The following COG4 variants were observed in gnomAD, a reference collection of about 807,000 sequenced individuals.
COG4 encodes the protein conserved oligomeric Golgi complex subunit 4.
A neutral mutation model predicts 95.1 loss-of-function variants in COG4; 65 were observed. The observed-to-expected ratio is 0.68, with a 90% CI of 0.56 to 0.84. The LOEUF is 0.84. Among genes scored for constraint, COG4 ranks in the 40% least tolerant of loss-of-function variants. COG4 has a pLI of 0.00. For missense variants in COG4, 1,045 were observed against 989.1 expected, an observed-to-expected ratio of 1.06 and a Z score of -0.76; for synonymous variants, 421 against 374.8, an observed-to-expected ratio of 1.12 and a Z score of -1.42.
At chr16:70,493,591 T>C (rs1216958684) in intron 12 of COG4, among the ~76,000 whole-genome samples, 2 of 152,080 alleles carry the variant, frequency 1.3e-5, no homozygotes, top group African/African-American at 2.4e-5. Flanking sequence ...AAGTGCAGAA[T>C]GGCACAAAAC....
intron 13 of COG4, among the ~76,000 whole-genome samples, chr16:70,488,540 C>T (rs1199267440): frequency 1.3e-5 from 2 of 151,848 alleles, no homozygotes; most frequent in East Asian, 1.9e-4. Context: ...ACTACAGGCA[C>T]GAGCCACCCA....
At chr16:70,519,899 G>A (rs1398317999) in intron 1 of COG4, among the ~76,000 whole-genome samples, 168 bp from the exon 2 acceptor site, 1 of 152,190 alleles carries the variant, frequency 6.6e-6, no homozygotes, top group Non-Finnish European at 1.5e-5. Context: ...TATGTTGCAT[G>A]ATTGTTATCT....
intron 18 of COG4, 21 bp downstream of exon 18, chr16:70,481,338 G>C (rs1474353799): frequency 6.2e-7 from 1 of 1,611,518 alleles, no homozygotes; most frequent in South Asian, 1.1e-5. Context: ...TCCCTGGCTG[G>C]GCCAAGGGTG....
intron 3 of COG4, 26 bp from the exon 4 acceptor site, chr16:70,514,535 A>G: frequency 6.2e-7 from 1 of 1,608,708 alleles, no homozygotes; most frequent in Non-Finnish European, 8.5e-7. Context: ...GTACTTACAA[A>G]CAATGTCCTA....
At chr16:70,496,857 G>GCC (rs1183967770) in intron 11 of COG4, among the ~76,000 whole-genome samples, 56 of 152,308 alleles carry the variant, frequency 3.7e-4, no homozygotes, top group African/African-American at 1.3e-3. Flanking sequence ...ATAAAACAGA[G>GCC]CTAACAGTTC....
At chr16:70,506,744 T>A (rs2049586219) in intron 8 of COG4, among the ~76,000 whole-genome samples, 1 of 148,292 alleles carries the variant, frequency 6.7e-6, no homozygotes, top group Non-Finnish European at 1.5e-5. Context: ...TGTGATTGTG[T>A]CACTGTACCA....
chr16:70,481,383 C>T lies in COG4; in HGVS notation c.2211G>A (p.Met737Ile), dbSNP rs2048988381. 2.5e-6 allele frequency: 4 copies of T among 1,613,252 alleles called. No homozygotes were observed. The East Asian group carries it at 8.9e-5, about 36-fold the overall frequency. Residue 737 changes from methionine (M) to isoleucine (I), a missense_variant, in exon 18 of 19, where the codon ATG (methionine) becomes ATA (isoleucine). Met to Ile is a conservative substitution (Grantham distance 10). Coordinates refer to ENST00000323786, the MANE Select transcript of COG4 (RefSeq NM_015386.3). ...CCCGCTCCAGATTGAGGATGGTGGC[C>T]ATCTGGGAGAGCCGGGCAAACTTGT... ...IRDKFARLSQ[M>I]ATILNLERVT...
chr16:70,518,931 C>A (rs2049879652), intron 2 of COG4, among the ~76,000 whole-genome samples: 1 of 150,480 alleles, frequency 6.6e-6, no homozygotes, highest in Non-Finnish European at 1.5e-5. Context: ...GAGCCGAGAT[C>A]ATGCCACTGC....
At position 70,514,522 on chromosome 16, in the gene COG4, T is replaced by C. The variant is rs774975392; in HGVS notation, c.370-13A>G. ...GATAGAGGCGGTTCTGCAAAAAGAT[T>C]TGGTACTTACAAACAATGTCCTATT... On this transcript the variant is annotated splice_polypyrimidine_tract_variant and intron_variant, in intron 3 of 18. Coordinates refer to ENST00000323786, the MANE Select transcript of COG4 (RefSeq NM_015386.3). 1 of 1,613,074 alleles carries C rather than the reference T, an allele frequency of 6.2e-7. No homozygotes were observed. Among genetic ancestry groups the C allele is most frequent in the Admixed American group, 1.7e-5 (1 of 59,982 alleles).
Position 70,490,345 on chromosome 16 carries a change from C to T in COG4, c.1695G>A (p.Leu565=), listed in dbSNP as rs975059433. ...TCCCTCGTACCTCCAGTGTCTTCTT[C>T]AGAGTGGAGATGTTTTCACTGCAGA... ...VEVCSENIST[L]KKTLESDCTK... Residue 565 remains leucine, a synonymous_variant, in exon 13 of 19, where the codon CTG becomes CTA. Transcript: ENST00000323786. 6.2e-7 allele frequency: 1 copy of T among 1,613,876 alleles called. No individual in the cohort carries two copies. Among genetic ancestry groups the T allele is most frequent in the Admixed American group, 1.7e-5 (1 of 60,014 alleles).
intron 1 of COG4, among the ~76,000 whole-genome samples, chr16:70,520,004 G>C (rs769908572): frequency 6.6e-6 from 1 of 152,048 alleles, no homozygotes; most frequent in African/African-American, 2.4e-5. Context: ...ATACAGGAAG[G>C]CATTTAAAAT....
intron 8 of COG4, among the ~76,000 whole-genome samples, chr16:70,506,727 A>G (rs1205765088): frequency 6.7e-5 from 10 of 148,294 alleles, no homozygotes; most frequent in Non-Finnish European, 3.0e-5. Context: ...TGGTGGTTAC[A>G]GTGTGCTGTG....
In COG4 at chr16:70,490,362, C is replaced by T; in HGVS notation, c.1678G>A (p.Glu560Lys). Residue 560 changes from glutamate to lysine, a missense_variant, in exon 13 of 19, where the codon GAA becomes AAA. Coordinates refer to ENST00000323786, the MANE Select transcript of COG4 (RefSeq NM_015386.3). ...VTLNNVEVCS[E>K]NISTLKKTLE... ...GTCTTCTTCAGAGTGGAGATGTTTT[C>T]ACTGCAGACTTCCACGTTGTTCAGA... 1 of 1,613,930 alleles carries T rather than the reference C, an allele frequency of 6.2e-7. No homozygotes were observed. Among genetic ancestry groups the T allele is most frequent in the Non-Finnish European group, 8.5e-7 (1 of 1,179,864 alleles).
chr16:70,512,748 G>A (rs2049736628), intron 4 of COG4, among the ~76,000 whole-genome samples: 1 of 152,216 alleles, frequency 6.6e-6, no homozygotes, highest in African/African-American at 2.4e-5. Context: ...GGAAGGCCGA[G>A]ATGGCTGAAT....
intron 6 of COG4, 184 bp downstream of exon 6, chr16:70,509,732 G>T (rs185233166): frequency 7.6e-4 from 485 of 641,844 alleles, no homozygotes; most frequent in Non-Finnish European, 7.0e-4. Context: ...CAAAACACTG[G>T]AGAGACTCTA....
intron 6 of COG4, 125 bp from the exon 7 acceptor site, chr16:70,509,513 C>G: frequency 9.5e-7 from 1 of 1,050,092 alleles, no homozygotes; most frequent in Admixed American, 2.0e-5. Flanking sequence ...CTAAAATGAA[C>G]ACAAATAGGC....
intron 9 of COG4, among the ~76,000 whole-genome samples, chr16:70,499,697 T>C (rs1043558910): frequency 1.3e-5 from 2 of 152,212 alleles, no homozygotes; most frequent in African/African-American, 4.8e-5. Flanking sequence ...GTCTCGCTTG[T>C]CGCCCAGGCT....
chr16:70,501,030 G>A lies in COG4; in HGVS notation c.1123C>T (p.Arg375Cys), dbSNP rs140920304. Residue 375 changes from arginine (R) to cysteine (C), a missense_variant, in exon 9 of 19, where the codon CGC (arginine) becomes TGC (cysteine). Arg to Cys is a radical substitution (Grantham distance 180). Transcript: ENST00000323786. The part of the protein sequence containing the change: ...LMNARSELYL[R>C]FLKKRISSDF... Reference sequence around the variant, plus strand: ...GAGCTAATCCTCTTCTTGAGGAAGCGTAAGTATAGCTCACTGCGGGCATTC... The same window carrying A: ...GAGCTAATCCTCTTCTTGAGGAAGCATAAGTATAGCTCACTGCGGGCATTC... 6.1e-5 allele frequency: 98 copies of A among 1,613,980 alleles called. No individual in the cohort carries two copies. In the East Asian group the frequency reaches 1.4e-3, roughly 22 times the overall value.
intron 8 of COG4, 110 bp downstream of exon 8, chr16:70,508,296 G>T: frequency 1.1e-6 from 1 of 901,010 alleles, no homozygotes; most frequent in South Asian, 1.4e-5. Flanking sequence ...AAGAGTAATT[G>T]ATAAAATATT....
Sources: allele counts gnomAD v4.1 joint callset (sites outside exome capture counted in the v4.1 genomes callset), GRCh38; gene constraint gnomAD v4.1.1; transcripts MANE v1.5; gene names NCBI Gene and HGNC (gene_info 2026-07-23, HGNC 2026-07-21).